ZDHHC16: variants seen among roughly 807,000 people sequenced by gnomAD.
ZDHHC16 encodes the protein palmitoyltransferase ZDHHC16.
Under a neutral mutation model 54.4 loss-of-function variants are expected in ZDHHC16, and 33 were observed. That is an observed-to-expected ratio of 0.61 (90% CI 0.46 to 0.81). The LOEUF is 0.81. ZDHHC16 is among the 30% of genes least tolerant of loss of function. ZDHHC16 has a pLI of 0.00. For missense variants in ZDHHC16, 420 were observed against 485.9 expected, an observed-to-expected ratio of 0.86 and a Z score of 1.28; for synonymous variants, 185 against 182.1, an observed-to-expected ratio of 1.02 and a Z score of -0.13.
chr10:97,446,988 C>A (rs1846118821), intron 1 of ZDHHC16, among the ~76,000 whole-genome samples: 1 of 152,214 alleles, frequency 6.6e-6, no homozygotes, highest in Non-Finnish European at 1.5e-5. Context: ...GGAGTACAGG[C>A]ATGAGCCACT....
chr10:97,453,377 C>T (rs868833416), intron 6 of ZDHHC16, among the ~76,000 whole-genome samples, 153 bp from the exon 7 acceptor site: 1 of 152,116 alleles, frequency 6.6e-6, no homozygotes, highest in Non-Finnish European at 1.5e-5. Flanking sequence ...TGGGTGTGAA[C>T]AGTCTTGTAT....
Position 97,456,800 on chromosome 10 carries a change from T to TA in ZDHHC16, c.1044dup (p.Pro349ThrfsTer3), listed in dbSNP as rs1429727401. 1 of 1,613,566 alleles carries TA rather than the reference T, an allele frequency of 6.2e-7. No individual in the cohort carries two copies. The highest frequency in any genetic ancestry group is 8.5e-7 in the Non-Finnish European group (1 of 1,179,632). ...AGGCACTGGCTTACTCGGGTGCTCTTACCTTCTAGTCACTTGCCCCATGGG... is the reference window on the plus strand; with the variant it reads ...AGGCACTGGCTTACTCGGGTGCTCTTAACCTTCTAGTCACTTGCCCCATGGG... On this transcript the variant is annotated frameshift_variant, in exon 12 of 12. Coordinates refer to ENST00000393760, the MANE Select transcript of ZDHHC16 (RefSeq NM_198046.3). LOFTEE classifies it high-confidence loss of function.
intron 6 of ZDHHC16, among the ~76,000 whole-genome samples, 164 bp downstream of exon 6, chr10:97,453,087 G>T (rs531177395): frequency 6.6e-6 from 1 of 152,150 alleles, no homozygotes; most frequent in South Asian, 2.1e-4. Flanking sequence ...ACTCTAGGAC[G>T]GATCTTCTTG....
chr10:97,454,782 C>T lies in ZDHHC16; in HGVS notation c.807C>T (p.Tyr269=). 1 of 1,614,158 alleles carries T rather than the reference C, an allele frequency of 6.2e-7. No individual in the cohort carries two copies. The highest frequency in any genetic ancestry group is 1.3e-5 in the African/African-American group (1 of 75,026). The change falls in exon 9 of 12, where the codon TAC becomes TAT. Residue 269 remains tyrosine, a synonymous_variant. Transcript: ENST00000393760. ...RERMTHKSLV[Y]LWFLCSSVAL... ...GGATGACTCACAAGAGTCTTGTCTA[C>T]CTCTGGTTCCTGTGCAGGTATTTGT...
intron 1 of ZDHHC16, among the ~76,000 whole-genome samples, chr10:97,449,095 A>G (rs941260626): frequency 6.6e-6 from 1 of 152,226 alleles, no homozygotes; most frequent in African/African-American, 2.4e-5. Flanking sequence ...GTCTGAGGTT[A>G]CGGAACTGCT....
At chr10:97,455,953 A>G (rs774368890) in intron 10 of ZDHHC16, 21 bp from the exon 11 acceptor site, 6 of 1,613,830 alleles carry the variant, frequency 3.7e-6, no homozygotes, top group Non-Finnish European at 4.2e-6. Context: ...GTTCAAAGAA[A>G]CATGTTTTTC....
At chr10:97,453,971 C>A in intron 8 of ZDHHC16, 125 bp downstream of exon 8, 2 of 1,260,130 alleles carry the variant, frequency 1.6e-6, no homozygotes, top group Non-Finnish European at 1.1e-6. Flanking sequence ...TAGACCAGAT[C>A]AGGAGTGTTC....
chr10:97,449,241 G>A (rs1452818761), intron 1 of ZDHHC16, among the ~76,000 whole-genome samples: 2 of 144,702 alleles, frequency 1.4e-5, no homozygotes, highest in African/African-American at 2.6e-5. Context: ...TTTTTTTTAA[G>A]ACTAGAAGAG....
Position 97,452,836 on chromosome 10 carries a change from G to A in ZDHHC16, c.528-59G>A. On this transcript the variant is annotated intron_variant, in intron 5 of 11. Transcript: ENST00000393760. ...ATGCTGGTCCTTGTAGGGAAGGATT[G>A]GCACTGACATCTCAAGAACTTTGGC... 4 of 1,610,758 alleles carry A rather than the reference G, an allele frequency of 2.5e-6. No homozygotes were observed. In the South Asian group the frequency reaches 4.4e-5, roughly 18 times the overall value.
Position 97,455,660 on chromosome 10 carries a change from T to A in ZDHHC16, c.825T>A (p.Ser275Arg). 1 of 1,614,228 alleles carries A rather than the reference T, an allele frequency of 6.2e-7. No homozygotes were observed. Among genetic ancestry groups the A allele is most frequent in the Non-Finnish European group, 8.5e-7 (1 of 1,180,046 alleles). Residue 275 changes from serine (S) to arginine (R), a missense_variant and splice_region_variant, in exon 10 of 12, where the codon AGT becomes AGA. Ser to Arg is a moderately radical substitution (Grantham distance 110). Transcript: ENST00000393760. ...CCAGTCTTCGCCCCTCTTTTCTTAG[T>A]TCTGTGGCACTTGCCCTGGGTGCCC... ...KSLVYLWFLC[S>R]SVALALGALT... is the part of the protein sequence containing the mutation.
At chr10:97,447,923 C>CA (rs1176349061) in intron 1 of ZDHHC16, among the ~76,000 whole-genome samples, 1,418 of 116,660 alleles carry the variant, frequency 0.012, 13 homozygotes, top group African/African-American at 0.034. Flanking sequence ...AACTCCATCT[C>CA]AAAAAAAAAA....
chr10:97,453,862 C>T lies in ZDHHC16; in HGVS notation c.738+16C>T. ...TGCCAACCAGGTGGGCTGTCCCCAC[C>T]CCACTGCCTCCTGCTGCTCAGGCCT... On this transcript the variant is annotated intron_variant, in intron 8 of 11. Coordinates refer to ENST00000393760, the MANE Select transcript of ZDHHC16 (RefSeq NM_198046.3). 1.2e-6 allele frequency: 2 copies of T among 1,614,106 alleles called. No homozygotes were observed. The highest frequency in any genetic ancestry group is 1.7e-4 in the Middle Eastern group (1 of 5,996).
rs772967751 is a variant in ZDHHC16, at chr10:97,451,679, C to T, written c.4C>T (p.Arg2Ter). The change falls in exon 3 of 12, where the codon CGA (arginine) becomes TGA (stop). Residue 2 changes from arginine to a stop codon, truncating the protein, a stop_gained. Coordinates refer to ENST00000393760, the MANE Select transcript of ZDHHC16 (RefSeq NM_198046.3). LOFTEE classifies it high-confidence loss of function. M[R>*]GQRSLLLGPA... ...ATGGTGTGCTCTCGTAGGAACCATG[C>T]GAGGCCAGCGGAGCCTGCTGCTGGG... is the stretch of plus-strand genomic sequence containing the variant. 1.1e-5 allele frequency: 18 copies of T among 1,608,698 alleles called. No individual in the cohort carries two copies. Among genetic ancestry groups the T allele is most frequent in the Non-Finnish European group, 9.3e-6 (11 of 1,178,338 alleles).
At chr10:97,449,273 G>A (rs557714631) in intron 1 of ZDHHC16, among the ~76,000 whole-genome samples, 4 of 150,866 alleles carry the variant, frequency 2.7e-5, no homozygotes, top group Non-Finnish European at 5.9e-5. Context: ...TATATAATTC[G>A]AGTTTATTAC....
intron 10 of ZDHHC16, 66 bp from the exon 11 acceptor site, chr10:97,455,908 C>A: frequency 6.2e-7 from 1 of 1,609,580 alleles, no homozygotes; most frequent in Non-Finnish European, 8.5e-7. Context: ...TCTATCTGAG[C>A]TTTAGCTTAG....
At chr10:97,456,458 T>C (rs1257976227) in intron 11 of ZDHHC16, 20 of 300,470 alleles carry the variant, frequency 6.7e-5, no homozygotes, top group East Asian at 1.9e-4. Flanking sequence ...AAACAATTTT[T>C]CAAATGGCAG....
rs1202916755 is a variant in ZDHHC16, at chr10:97,451,841, G to C, written c.166G>C (p.Gly56Arg). ...CTCCCTGCTCTACAACTCCTTTGGG[G>C]GCAGTGACACCGCTGTTGATGCTGC... Reference protein sequence around the residue: ...LRSLLYNSFGGSDTAVDAAFE... With the variant: ...LRSLLYNSFGRSDTAVDAAFE... The change falls in exon 3 of 12, where the codon GGC becomes CGC. Residue 56 changes from glycine (G) to arginine (R), a missense_variant. Physicochemically the swap from Gly to Arg is moderately radical, Grantham distance 125 (BLOSUM62 -2). Coordinates refer to ENST00000393760, the MANE Select transcript of ZDHHC16 (RefSeq NM_198046.3). The C allele has an allele frequency of 2.5e-6, 4 of 1,614,108 alleles. No individual in the cohort carries two copies.
chr10:97,456,633 G>T, intron 11 of ZDHHC16, 144 bp from the exon 12 acceptor site: 1 of 590,986 alleles, frequency 1.7e-6, no homozygotes. Context: ...GATAAAATTG[G>T]GTAGCAGAAA....
chr10:97,456,758 TTTC>T lies in ZDHHC16; in HGVS notation c.1020-17_1020-15del, dbSNP rs1564809819. ...CCAAGAATTCTTGAACTCAGAGACA[TTTC>T]TCTCTTCTCTTCTAGGCACTGGCTT... is the stretch of plus-strand genomic sequence containing the variant. On this transcript the variant is annotated splice_polypyrimidine_tract_variant and intron_variant, in intron 11 of 11. Coordinates refer to ENST00000393760, the MANE Select transcript of ZDHHC16 (RefSeq NM_198046.3). The T allele has an allele frequency of 6.4e-7, 1 of 1,567,158 alleles. No individual in the cohort carries two copies. Among genetic ancestry groups the T allele is most frequent in the Admixed American group, 1.7e-5 (1 of 57,826 alleles).
Sources: gnomAD v4.1 joint callset for allele counts (sites outside exome capture counted in the v4.1 genomes callset) on GRCh38, gnomAD v4.1.1 for gene constraint, MANE v1.5 for transcripts, NCBI Gene and HGNC (gene_info 2026-07-23, HGNC 2026-07-21) for gene names.